Variants in LINGO2 observed in about 807,000 individuals in gnomAD.
LINGO2 encodes the protein leucine rich repeat and Ig domain containing 2, also known as leucine-rich repeat and immunoglobulin-like domain-containing nogo receptor-interacting protein 2.
A neutral mutation model predicts 30.6 loss-of-function variants in LINGO2; 14 were observed. The observed-to-expected ratio is 0.46, with a 90% CI of 0.30 to 0.72. LINGO2 has a LOEUF of 0.72. Among genes scored for constraint, LINGO2 ranks in the 30% least tolerant of loss-of-function variants. The pLI, the probability that LINGO2 is intolerant of heterozygous loss-of-function variation, is 0.07. For synonymous variants in LINGO2, 317 were observed against 288.5 expected (o/e 1.10, Z -1.00); for missense variants, 729 against 751.7 (o/e 0.97, Z 0.35).
chr9:28,037,793 T>C (rs546111457), intron 4 of LINGO2, among the ~76,000 whole-genome samples: 1 of 152,280 alleles, frequency 6.6e-6, no homozygotes, highest in African/African-American at 2.4e-5. Flanking sequence ...TCTAGCAAAT[T>C]TTCATGCAGT....
At chr9:28,983,181 T>G in the LINGO2 span, among the ~76,000 whole-genome samples, 1 of 151,902 alleles carries the variant, frequency 6.6e-6, no homozygotes, top group Non-Finnish European at 1.5e-5. Context: ...AAGAATAATT[T>G]TACCATTTTT....
In LINGO2 at chr9:28,018,264, A is replaced by T. The variant is rs182206914; in HGVS notation, c.-86-5859T>A. Among the ~76,000 whole-genome samples, 25 of 152,318 alleles carry T rather than the reference A, an allele frequency of 1.6e-4. No individual in the cohort carries two copies. In the East Asian group the frequency reaches 4.8e-3, roughly 29 times the overall value. On this transcript the variant is annotated intron_variant, in intron 4 of 5. Coordinates refer to ENST00000379992, the Ensembl canonical transcript of LINGO2. ...TAAAACTATAAAAGTCCCAGAGGAA[A>T]ACCTAGAAAATACCATTCTGGACAT...
chr9:28,892,213 A>G, the LINGO2 span, among the ~76,000 whole-genome samples: 13,159 of 152,028 alleles, frequency 0.087, 650 homozygotes, highest in African/African-American at 0.14. Context: ...ATGAAAAACA[A>G]GCAGTCATAA....
chr9:28,571,323 A>C (rs990665714), intron 1 of LINGO2, among the ~76,000 whole-genome samples: 5 of 152,080 alleles, frequency 3.3e-5, no homozygotes, highest in Non-Finnish European at 7.4e-5. Flanking sequence ...TAAAGTAAAG[A>C]GCTTGTAAGT....
intron 5 of LINGO2, among the ~76,000 whole-genome samples, chr9:27,984,486 G>C (rs1446421164): frequency 6.6e-6 from 1 of 151,790 alleles, no homozygotes; most frequent in African/African-American, 2.4e-5. Flanking sequence ...TCAAAGCTCT[G>C]AGTTAGAAGG....
intron 3 of LINGO2, among the ~76,000 whole-genome samples, chr9:28,348,134 C>T (rs781562977): frequency 7.9e-5 from 12 of 151,952 alleles, no homozygotes; most frequent in African/African-American, 2.2e-4. Flanking sequence ...ATGCTGTTCA[C>T]GGTGGAGGAG....
At chr9:28,218,693 G>T (rs1820855105) in intron 4 of LINGO2, among the ~76,000 whole-genome samples, 1 of 151,980 alleles carries the variant, frequency 6.6e-6, no homozygotes, top group Non-Finnish European at 1.5e-5. Flanking sequence ...AGAAGCCATG[G>T]CTTCTAAGAA....
chr9:28,979,394 A>G, the LINGO2 span, among the ~76,000 whole-genome samples: 3 of 152,126 alleles, frequency 2.0e-5, no homozygotes, highest in Admixed American at 2.0e-4. Context: ...ATTTCCAAAA[A>G]GAGAGCTGAT....
intron 4 of LINGO2, among the ~76,000 whole-genome samples, chr9:28,187,747 G>A (rs1819593886): frequency 6.6e-6 from 1 of 152,154 alleles, no homozygotes; most frequent in Non-Finnish European, 1.5e-5. Flanking sequence ...TTAGGCAAAT[G>A]CATGCATACT....
At chr9:27,980,766 T>C (rs1820816122) in intron 5 of LINGO2, among the ~76,000 whole-genome samples, 2 of 151,882 alleles carry the variant, frequency 1.3e-5, no homozygotes, top group African/African-American at 4.8e-5. Flanking sequence ...GATATTCCCT[T>C]AGCCCTTGCA....
At chr9:28,610,678 A>G (rs534276841) in intron 1 of LINGO2, among the ~76,000 whole-genome samples, 4 of 152,268 alleles carry the variant, frequency 2.6e-5, no homozygotes, top group South Asian at 2.1e-4. Flanking sequence ...ATCCTCCAGA[A>G]CTGTGAGAAA....
At chr9:29,103,168 A>G in the LINGO2 span, among the ~76,000 whole-genome samples, 226 of 152,272 alleles carry the variant, frequency 1.5e-3, 1 homozygote, top group African/African-American at 5.1e-3. Context: ...GAGATTCTAA[A>G]GATCACCTCA....
At chr9:28,131,673 G>T (rs953573429) in intron 4 of LINGO2, among the ~76,000 whole-genome samples, 2 of 152,018 alleles carry the variant, frequency 1.3e-5, no homozygotes, top group African/African-American at 4.8e-5. Context: ...ATAATAATCA[G>T]ATGCTTCCAG....
chr9:28,549,453 G>A (rs1434344445), intron 1 of LINGO2, among the ~76,000 whole-genome samples: 2 of 151,928 alleles, frequency 1.3e-5, no homozygotes, highest in African/African-American at 4.8e-5. Flanking sequence ...CTGAGCATGT[G>A]CTCAGTGGTT....
intron 4 of LINGO2, among the ~76,000 whole-genome samples, chr9:28,131,545 G>A (rs1827378582): frequency 6.6e-6 from 1 of 152,080 alleles, no homozygotes; most frequent in Non-Finnish European, 1.5e-5. Flanking sequence ...TATAATGGAG[G>A]GAAGAAGAAG....
At chr9:28,933,495 T>C in the LINGO2 span, among the ~76,000 whole-genome samples, 1 of 142,474 alleles carries the variant, frequency 7.0e-6, no homozygotes, top group African/African-American at 2.6e-5. Flanking sequence ...TTTGATAAGA[T>C]GGTAGTAGGA....
At chr9:28,900,165 T>C in the LINGO2 span, among the ~76,000 whole-genome samples, 3 of 151,960 alleles carry the variant, frequency 2.0e-5, no homozygotes, top group Admixed American at 2.0e-4. Flanking sequence ...ATCAGTCTCA[T>C]GGACCCAGGT....
chr9:28,361,301 C>G (rs1380383911), intron 3 of LINGO2, among the ~76,000 whole-genome samples: 1 of 151,992 alleles, frequency 6.6e-6, no homozygotes, highest in Non-Finnish European at 1.5e-5. Context: ...TCTTACTTGC[C>G]TAATTTATGA....
At chr9:28,664,616 G>A (rs903122733) in intron 1 of LINGO2, among the ~76,000 whole-genome samples, 5 of 152,032 alleles carry the variant, frequency 3.3e-5, no homozygotes, top group African/African-American at 9.7e-5. Context: ...GGAAAAGAGA[G>A]AAACATACAC....
Sources: gnomAD v4.1 joint callset for allele counts (sites outside exome capture counted in the v4.1 genomes callset) on GRCh38, gnomAD v4.1.1 for gene constraint, MANE v1.5 for transcripts, NCBI Gene and HGNC (gene_info 2026-07-23, HGNC 2026-07-21) for gene names.